The following KIAA0319 variants were observed in gnomAD, a reference collection of about 807,000 sequenced individuals.
The protein encoded by KIAA0319 is KIAA0319.
In KIAA0319, 83 loss-of-function variants were observed where a neutral mutation model predicts 108.4. The ratio of observed to expected loss-of-function variants is 0.77; its 90% CI spans 0.64 to 0.92. The LOEUF (loss-of-function observed/expected upper bound fraction) is 0.92, where lower values mean the gene tolerates loss of function less well. Among genes scored for constraint, KIAA0319 ranks in the 40% least tolerant of loss-of-function variants. The probability of loss-of-function intolerance (pLI) is 0.00; values close to 1 mark genes in which losing one functional copy is unlikely to be tolerated. For synonymous variants in KIAA0319, 484 were observed against 510.4 expected (o/e 0.95, Z 0.70); for missense variants, 1,195 against 1,322.4 (o/e 0.90, Z 1.49).
intron 11 of KIAA0319, 106 bp downstream of exon 11, chr6:24,572,469 G>T: frequency 1.6e-6 from 2 of 1,276,092 alleles, no homozygotes; most frequent in Non-Finnish European, 2.2e-6. Flanking sequence ...TGGAGCTTTG[G>T]CACCCACAGG....
intron 3 of KIAA0319, among the ~76,000 whole-genome samples, chr6:24,592,298 A>G (rs1768620166): frequency 6.6e-6 from 1 of 152,230 alleles, no homozygotes; most frequent in African/African-American, 2.4e-5. Context: ...TTCTTTCCCC[A>G]TTAAATTTTC....
intron 20 of KIAA0319, among the ~76,000 whole-genome samples, chr6:24,550,831 T>C (rs1761377524): frequency 6.6e-6 from 1 of 152,066 alleles, no homozygotes; most frequent in Admixed American, 6.6e-5. Context: ...CCTGTGGTCA[T>C]TGGTAGGTGC....
At chr6:24,617,013 G>A (rs1773238410) in intron 1 of KIAA0319, among the ~76,000 whole-genome samples, 1 of 152,228 alleles carries the variant, frequency 6.6e-6, no homozygotes, top group South Asian at 2.1e-4. Context: ...ATTGGGGGAT[G>A]TTAAAGGGAT....
intron 19 of KIAA0319, 121 bp from the exon 20 acceptor site, chr6:24,551,646 C>A (rs570830750): frequency 1.0e-5 from 7 of 673,484 alleles, no homozygotes; most frequent in African/African-American, 9.0e-5. Flanking sequence ...TAGTTGGCGT[C>A]TTTTATTAAA....
Position 24,545,506 on chromosome 6 carries a change from G to A in KIAA0319, c.*1659C>T, listed in dbSNP as rs1760518109. 6.6e-6 allele frequency: 1 copy of A among 151,822 alleles called. No homozygotes were observed. Among genetic ancestry groups the A allele is most frequent in the South Asian group, 2.1e-4 (1 of 4,812 alleles). 9.4% of individuals were successfully genotyped at this position (151,822 alleles called of 1,614,324 possible). ...GGTCACCTGATAAGGCAGATTCTAG[G>A]CTTATGAAGCTCAATACTGGTTAAA... is the stretch of plus-strand genomic sequence containing the variant. On this transcript the variant is annotated 3_prime_UTR_variant, in exon 21 of 21. Coordinates refer to ENST00000378214, the MANE Select transcript of KIAA0319 (RefSeq NM_014809.4).
chr6:24,571,435 T>C lies in KIAA0319; in HGVS notation c.1858+1140A>G, dbSNP rs9467234. On this transcript the variant is annotated intron_variant, in intron 11 of 20. Coordinates refer to ENST00000378214, the MANE Select transcript of KIAA0319 (RefSeq NM_014809.4). ...AAAAGCTGTGGCAGCCATTACCCAA[T>C]GTTTGCACCACGCCACAGCCCCCAT... is the stretch of plus-strand genomic sequence containing the variant. Among the ~76,000 whole-genome samples, 970 of 150,870 alleles carry C rather than the reference T, an allele frequency of 6.4e-3. 12 individuals are homozygous for C. The highest frequency in any genetic ancestry group is 0.021 in the African/African-American group (870 of 41,088).
intron 1 of KIAA0319, among the ~76,000 whole-genome samples, chr6:24,621,964 C>T (rs374692079): frequency 7.9e-5 from 12 of 152,256 alleles, no homozygotes; most frequent in South Asian, 6.2e-4. Flanking sequence ...TCTCAAGAGA[C>T]GGAGATCTAC....
At chr6:24,580,641 A>T (rs1766358161) in intron 7 of KIAA0319, among the ~76,000 whole-genome samples, 1 of 152,198 alleles carries the variant, frequency 6.6e-6, no homozygotes, top group Non-Finnish European at 1.5e-5. Flanking sequence ...GTGGAGGTAG[A>T]AGTTAGAGTG....
chr6:24,574,503 T>G (rs994918260), intron 10 of KIAA0319, among the ~76,000 whole-genome samples: 6 of 152,228 alleles, frequency 3.9e-5, no homozygotes, highest in Non-Finnish European at 8.8e-5. Context: ...AGTCATTTTT[T>G]CAACTGAGTA....
chr6:24,636,356 C>T (rs1313766675), intron 1 of KIAA0319, among the ~76,000 whole-genome samples: 1 of 152,164 alleles, frequency 6.6e-6, no homozygotes, highest in African/African-American at 2.4e-5. Context: ...TACAAGGGGT[C>T]TTCACAAAGT....
At chr6:24,640,503 A>G (rs1776779262) in intron 1 of KIAA0319, among the ~76,000 whole-genome samples, 2 of 152,210 alleles carry the variant, frequency 1.3e-5, no homozygotes, top group South Asian at 4.1e-4. Flanking sequence ...AAGAAGATGA[A>G]AAAAGGTAGA....
At chr6:24,560,687 T>C (rs925753330) in intron 16 of KIAA0319, among the ~76,000 whole-genome samples, 2 of 152,220 alleles carry the variant, frequency 1.3e-5, no homozygotes, top group African/African-American at 2.4e-5. Context: ...TGGAAGAATC[T>C]CTCCAGTCCC....
chr6:24,591,574 TG>T, intron 3 of KIAA0319, among the ~76,000 whole-genome samples: 1 of 152,332 alleles, frequency 6.6e-6, no homozygotes, highest in Non-Finnish European at 1.5e-5. Flanking sequence ...CATTTTGACC[TG>T]GGTGTGGAAC....
At position 24,551,507 on chromosome 6, in the gene KIAA0319, G is replaced by A. The variant is rs754286941; in HGVS notation, c.2967C>T (p.Ile989=). 2.0e-5 allele frequency: 32 copies of A among 1,609,446 alleles called. No homozygotes were observed. The highest frequency in any genetic ancestry group is 2.6e-5 in the Non-Finnish European group (30 of 1,175,848). Residue 989 remains isoleucine (I), a synonymous_variant, in exon 20 of 21, where the codon ATC becomes ATT. Coordinates refer to ENST00000378214, the MANE Select transcript of KIAA0319 (RefSeq NM_014809.4). ...GGATGGTGTACTTTGTTTTTTTCCT[G>A]ATTTTAGTCCTTTTTTGTCTGAAAG... ...CCCKRQKRTK[I]RKKTKYTILD...
chr6:24,581,269 C>A (rs1766500394), intron 6 of KIAA0319, among the ~76,000 whole-genome samples: 3 of 152,164 alleles, frequency 2.0e-5, no homozygotes. Context: ...GATGGACCAG[C>A]AGAGGGCAGC....
chr6:24,588,928 C>G, intron 3 of KIAA0319, 143 bp from the exon 4 acceptor site: 2 of 679,946 alleles, frequency 2.9e-6, no homozygotes, highest in Non-Finnish European at 4.9e-6. Flanking sequence ...AACTCTGGAA[C>G]TCTAGACCAT....
rs148181201 is a variant in KIAA0319, at chr6:24,548,233, A to G, written c.3041-890T>C. On this transcript the variant is annotated intron_variant, in intron 20 of 20. Transcript: ENST00000378214. ...TCAGCTAAAACCAGGCTCTTGTCAC[A>G]CTACCAGGAAAGATTAGGCTCACGG... Among the ~76,000 whole-genome samples, 72 of 152,296 alleles carry G rather than the reference A, an allele frequency of 4.7e-4. 1 individual carries two copies. In the East Asian group the frequency reaches 0.012, roughly 25 times the overall value.
intron 1 of KIAA0319, among the ~76,000 whole-genome samples, chr6:24,628,124 T>C (rs955058700): frequency 1.3e-5 from 2 of 152,202 alleles, no homozygotes; most frequent in East Asian, 1.9e-4. Flanking sequence ...AAAAACATCC[T>C]ATAATGGCAT....
At chr6:24,575,871 C>G (rs1361692854) in intron 10 of KIAA0319, among the ~76,000 whole-genome samples, 1 of 151,744 alleles carries the variant, frequency 6.6e-6, no homozygotes, top group Non-Finnish European at 1.5e-5. Flanking sequence ...ACACACACAA[C>G]AGAAGTTTCA....
Sources: allele counts gnomAD v4.1 joint callset (sites outside exome capture counted in the v4.1 genomes callset), GRCh38; gene constraint gnomAD v4.1.1; transcripts MANE v1.5; gene names NCBI Gene and HGNC (gene_info 2026-07-23, HGNC 2026-07-21).